The following OTUD4 variants were observed in gnomAD, a reference collection of about 807,000 sequenced individuals.
OTUD4 encodes OTU deubiquitinase 4.
OTUD4 carries 24 observed loss-of-function variants against 130.4 expected under a neutral mutation model. That is an observed-to-expected ratio of 0.18 (90% CI 0.13 to 0.26). The LOEUF (loss-of-function observed/expected upper bound fraction) is 0.26, where lower values mean the gene tolerates loss of function less well. OTUD4 is among the 10% of genes least tolerant of loss of function. The probability of loss-of-function intolerance (pLI) is 1.00; values close to 1 mark genes in which losing one functional copy is unlikely to be tolerated. For synonymous variants in OTUD4, 420 were observed against 472.5 expected (o/e 0.89, Z 1.44); for missense variants, 1,031 against 1,329.4 (o/e 0.78, Z 3.49).
Position 145,135,496 on chromosome 4 carries a change from TAGTCCTACATAAAAAAGCATGAGCTGAA to T in OTUD4, c.*1906_*1933del. The T allele has an allele frequency of 6.6e-6, 1 of 152,302 alleles. No homozygotes were observed. The highest frequency in any genetic ancestry group is 1.9e-4 in the East Asian group (1 of 5,176). The allele number at this position is 152,302 out of a possible 1,614,324, so 9.4% of individuals were successfully genotyped here. On this transcript the variant is annotated 3_prime_UTR_variant, in exon 21 of 21. Transcript: ENST00000447906. ...TGATTTTCATTAAAATCAGGTAAGCTAGTCCTACATAAAAAAGCATGAGCTGAAAGTGGAGGACCCTCTATCTTCTCAT... is the reference window on the plus strand; with the variant it reads ...TGATTTTCATTAAAATCAGGTAAGCTAGTGGAGGACCCTCTATCTTCTCAT...
chr4:145,141,156 G>A (rs780458850), intron 19 of OTUD4, among the ~76,000 whole-genome samples: 173 of 139,662 alleles, frequency 1.2e-3, no homozygotes, highest in Middle Eastern at 3.8e-3. Context: ...GTGACAGAGC[G>A]AGACTCCGTC....
Position 145,141,433 on chromosome 4 carries a change from G to C in OTUD4, c.2029C>G (p.Arg677Gly), listed in dbSNP as rs773572635. The C allele has an allele frequency of 6.2e-7, 1 of 1,613,514 alleles. No individual in the cohort carries two copies. Among genetic ancestry groups the C allele is most frequent in the Non-Finnish European group, 8.5e-7 (1 of 1,179,636 alleles). The change falls in exon 19 of 21, where the codon CGA (arginine) becomes GGA (glycine). Residue 677 changes from arginine to glycine, a missense_variant. By Grantham distance (125) the Arg-to-Gly change is moderately radical (BLOSUM62 -2). Coordinates refer to ENST00000447906, the MANE Select transcript of OTUD4 (RefSeq NM_001366057.1). ...AGTGAATAAGGTGGTACAATGGCTC[G>C]ATCTCCCTTTTCATTACAAGGAAAC... ...PGFPCNEKGD[R>G]AIVPPYSLCQ...
In OTUD4 at chr4:145,134,147, G is replaced by A. The variant is rs1165695532; in HGVS notation, c.*3283C>T. 1 of 152,586 alleles carries A rather than the reference G, an allele frequency of 6.6e-6. No individual in the cohort carries two copies. The highest frequency in any genetic ancestry group is 1.5e-5 in the Non-Finnish European group (1 of 68,032). 9.5% of individuals were successfully genotyped at this position (152,586 alleles called of 1,614,324 possible). ...CTCTTTTAAAAAATAATCCCAATTA[G>A]TGGGAGAGTAAATGGCTGACATTAG... is the stretch of plus-strand genomic sequence containing the variant. On this transcript the variant is annotated 3_prime_UTR_variant, in exon 21 of 21. Coordinates refer to ENST00000447906, the MANE Select transcript of OTUD4 (RefSeq NM_001366057.1).
At chr4:145,148,875 C>T (rs373944179) in intron 13 of OTUD4, among the ~76,000 whole-genome samples, 2 of 152,184 alleles carry the variant, frequency 1.3e-5, no homozygotes, top group South Asian at 2.1e-4. Context: ...AGTAAGCTAC[C>T]ACCAGGGGCT....
At chr4:145,143,532 C>A in intron 16 of OTUD4, 87 bp from the exon 17 acceptor site, 1 of 750,036 alleles carries the variant, frequency 1.3e-6, no homozygotes, top group Admixed American at 2.3e-5. Flanking sequence ...ATTCACCCTA[C>A]CTGTATCTGA....
chr4:145,177,026 C>T (rs1347549224), intron 1 of OTUD4, among the ~76,000 whole-genome samples: 1 of 152,120 alleles, frequency 6.6e-6, no homozygotes, highest in African/African-American at 2.4e-5. Context: ...GAGTATGTGA[C>T]CAAAAAGGAC....
In OTUD4 at chr4:145,142,222, C is replaced by T. The variant is rs766291092; in HGVS notation, c.1796G>A (p.Ser599Asn). The stretch of plus-strand genomic sequence containing the variant: ...TGTTGGTCCAAAAGTTGTAGGTTCA[C>T]TTGGCCAGGCTGGCACAGTGGCTGG... ...SLPATVPAWP[S>N]EPTTFGPTGV... Residue 599 changes from serine (S) to asparagine (N), a missense_variant, in exon 18 of 21, where the codon AGT becomes AAT. Ser to Asn is a conservative substitution (Grantham distance 46, BLOSUM62 1). Coordinates refer to ENST00000447906, the MANE Select transcript of OTUD4 (RefSeq NM_001366057.1). The T allele has an allele frequency of 6.2e-7, 1 of 1,613,964 alleles. No homozygotes were observed. The highest frequency in any genetic ancestry group is 1.1e-5 in the South Asian group (1 of 91,058).
chr4:145,179,217 C>T (rs931333541), intron 1 of OTUD4, among the ~76,000 whole-genome samples: 30 of 152,286 alleles, frequency 2.0e-4, no homozygotes, highest in African/African-American at 7.0e-4. Context: ...CACAGCCCAG[C>T]AGAGCATAAT....
At position 145,180,084 on chromosome 4, in the gene OTUD4, G is replaced by C. The variant is rs1036050475; in HGVS notation, c.-111C>G. 6.3e-5 allele frequency: 56 copies of C among 890,226 alleles called. No individual in the cohort carries two copies. Among genetic ancestry groups the C allele is most frequent in the Non-Finnish European group, 7.7e-5 (55 of 713,716 alleles). The allele number at this position is 890,226 out of a possible 1,614,324, so 55.1% of individuals were successfully genotyped here. ...CAGGCGGCGGCTCGGGCTGGGGCTC[G>C]GGCTCCGCGAGCGGCGGCAGGCGGC... On this transcript the variant is annotated 5_prime_UTR_variant, in exon 1 of 21. Transcript: ENST00000447906.
intron 13 of OTUD4, among the ~76,000 whole-genome samples, chr4:145,146,723 T>C (rs2126753122): frequency 6.6e-6 from 1 of 152,246 alleles, no homozygotes; most frequent in East Asian, 1.9e-4. Flanking sequence ...AAAAAAAACT[T>C]ATTTCCAAAT....
At chr4:145,157,093 C>T (rs971373783) in intron 7 of OTUD4, among the ~76,000 whole-genome samples, 21 of 152,012 alleles carry the variant, frequency 1.4e-4, no homozygotes, top group Admixed American at 1.2e-3. Context: ...TAGGGTCTAG[C>T]ATTTAAGAGA....
At position 145,171,659 on chromosome 4, in the gene OTUD4, CTG is replaced by C. The variant is rs768463346; in HGVS notation, c.294+9_294+10del. 2 of 1,191,158 alleles carry C rather than the reference CTG, an allele frequency of 1.7e-6. No individual in the cohort carries two copies. The highest frequency in any genetic ancestry group is 2.5e-5 in the South Asian group (2 of 80,100). The allele number at this position is 1,191,158 out of a possible 1,614,324, so 73.8% of individuals were successfully genotyped here. ...ATAAAAATAGAAATATACTAGAAGA[CTG>C]TGACATACCTGTGGATTTTCCAAAC... On this transcript the variant is annotated intron_variant, in intron 3 of 20. Transcript: ENST00000447906.
chr4:145,139,874 G>GT (rs1305356927), intron 20 of OTUD4, 77 bp downstream of exon 20: 4 of 497,970 alleles, frequency 8.0e-6, no homozygotes, highest in African/African-American at 2.1e-5. Context: ...GACTGACAGG[G>GT]TAAGAGTTAA....
chr4:145,150,248 AGAAT>A (rs1751005634), intron 13 of OTUD4, among the ~76,000 whole-genome samples: 1 of 152,356 alleles, frequency 6.6e-6, no homozygotes, highest in East Asian at 1.9e-4. Flanking sequence ...GTGCCAGAAT[AGAAT>A]TGGGCTAGAA....
At chr4:145,165,998 C>T (rs892821660) in intron 3 of OTUD4, among the ~76,000 whole-genome samples, 6 of 151,864 alleles carry the variant, frequency 4.0e-5, no homozygotes, top group African/African-American at 1.5e-4. Flanking sequence ...CCCCTCTCTA[C>T]TAAAAATACA....
intron 1 of OTUD4, among the ~76,000 whole-genome samples, chr4:145,175,895 C>A (rs1465894032): frequency 2.0e-5 from 3 of 151,652 alleles, no homozygotes; most frequent in African/African-American, 2.4e-5. Context: ...GCTCCCAATT[C>A]TTTTTTCCCC....
rs1359087174 is a variant in OTUD4, at chr4:145,155,888, T to C, written c.690+48A>G. The C allele has an allele frequency of 3.5e-6, 5 of 1,428,338 alleles. No homozygotes were observed. The East Asian group carries it at 9.2e-5, about 26-fold the overall frequency. The allele number at this position is 1,428,338 out of a possible 1,614,324, so 88.5% of individuals were successfully genotyped here. The stretch of plus-strand genomic sequence containing the variant: ...AAAATTAAGATTTTAATGTACATGC[T>C]TTCTTATATTAAAGAACTACATTTA... On this transcript the variant is annotated intron_variant, in intron 8 of 20. Transcript: ENST00000447906.
chr4:145,179,329 G>T (rs962022333), intron 1 of OTUD4, among the ~76,000 whole-genome samples: 22 of 152,124 alleles, frequency 1.4e-4, no homozygotes, highest in African/African-American at 4.1e-4. Context: ...CAAGTGACAT[G>T]GGCGAGCTTG....
intron 1 of OTUD4, 30 bp downstream of exon 1, chr4:145,179,785 T>G: frequency 4.4e-5 from 10 of 228,278 alleles, no homozygotes; most frequent in Non-Finnish European, 6.4e-5. Flanking sequence ...CCGCCTCCCC[T>G]CGAAGCCCTC....
Sources: gnomAD v4.1 joint callset for allele counts (sites outside exome capture counted in the v4.1 genomes callset) on GRCh38, gnomAD v4.1.1 for gene constraint, MANE v1.5 for transcripts, NCBI Gene and HGNC (gene_info 2026-07-23, HGNC 2026-07-21) for gene names.